STXBP5L: variants seen among roughly 807,000 people sequenced by gnomAD.
STXBP5L encodes syntaxin-binding protein 5-like.
STXBP5L carries 65 observed loss-of-function variants against 144.5 expected under a neutral mutation model. The ratio of observed to expected loss-of-function variants is 0.45; its 90% confidence interval spans 0.37 to 0.55. STXBP5L has a LOEUF of 0.55. Among genes scored for constraint, STXBP5L ranks in the 20% least tolerant of loss-of-function variants. The pLI, the probability that STXBP5L is intolerant of heterozygous loss-of-function variation, is 0.00. For missense variants in STXBP5L, 1,298 were observed against 1,405.5 expected, an observed-to-expected ratio of 0.92 and a Z score of 1.22; for synonymous variants, 505 against 469.6, an observed-to-expected ratio of 1.08 and a Z score of -0.97.
intron 5 of STXBP5L, among the ~76,000 whole-genome samples, chr3:121,073,732 G>A (rs1456183343): frequency 2.6e-5 from 4 of 152,022 alleles, no homozygotes; most frequent in African/African-American, 9.7e-5. Context: ...CCCAGCTTTG[G>A]TAGCCTTATA....
intron 9 of STXBP5L, among the ~76,000 whole-genome samples, chr3:121,192,956 G>A (rs2047759994): frequency 6.6e-6 from 1 of 151,326 alleles, no homozygotes. Flanking sequence ...GGCAACAAAA[G>A]CCAAAATTGA....
At chr3:120,981,076 T>C (rs558907950) in intron 3 of STXBP5L, among the ~76,000 whole-genome samples, 1 of 152,298 alleles carries the variant, frequency 6.6e-6, no homozygotes, top group African/African-American at 2.4e-5. Context: ...AAGTCCACTG[T>C]CAGTCTGATG....
intron 3 of STXBP5L, among the ~76,000 whole-genome samples, chr3:121,016,449 A>T (rs1052124855): frequency 3.9e-5 from 6 of 152,224 alleles, no homozygotes; most frequent in African/African-American, 1.2e-4. Flanking sequence ...AATCAAAAAC[A>T]CTGTACAGAA....
At chr3:121,120,841 G>A (rs140028895) in intron 6 of STXBP5L, among the ~76,000 whole-genome samples, 14 of 151,324 alleles carry the variant, frequency 9.3e-5, no homozygotes, top group Admixed American at 2.0e-4. Flanking sequence ...CTGTTAGGTC[G>A]TGGAGAAAGG....
chr3:121,244,645 G>T (rs796876591), intron 14 of STXBP5L, among the ~76,000 whole-genome samples: 1 of 151,836 alleles, frequency 6.6e-6, no homozygotes, highest in African/African-American at 2.4e-5. Context: ...TCAAACTGTC[G>T]AAAATCAAAA....
At chr3:121,023,589 A>T (rs547314245) in intron 3 of STXBP5L, among the ~76,000 whole-genome samples, 1 of 152,180 alleles carries the variant, frequency 6.6e-6, no homozygotes, top group African/African-American at 2.4e-5. Context: ...AATACAGCCA[A>T]CTTATCTTTG....
At chr3:121,101,329 T>C (rs565834225) in intron 5 of STXBP5L, among the ~76,000 whole-genome samples, 2 of 151,976 alleles carry the variant, frequency 1.3e-5, no homozygotes, top group East Asian at 1.9e-4. Flanking sequence ...TGAACGTAGA[T>C]GCAAAAATCC....
At chr3:121,267,140 A>G (rs1289624506) in intron 18 of STXBP5L, among the ~76,000 whole-genome samples, 1 of 152,216 alleles carries the variant, frequency 6.6e-6, no homozygotes, top group Non-Finnish European at 1.5e-5. Context: ...TGGAGGCATC[A>G]TGCTACCTGA....
intron 3 of STXBP5L, among the ~76,000 whole-genome samples, chr3:120,956,246 A>G (rs1182474351): frequency 6.6e-6 from 1 of 151,882 alleles, no homozygotes; most frequent in Non-Finnish European, 1.5e-5. Context: ...CATTTATATT[A>G]TGCAACCATC....
intron 5 of STXBP5L, among the ~76,000 whole-genome samples, chr3:121,083,507 C>CA (rs1259650899): frequency 1.3e-5 from 2 of 151,830 alleles, no homozygotes; most frequent in Non-Finnish European, 2.9e-5. Flanking sequence ...ACTAAAAATA[C>CA]AAAAAATTAG....
At chr3:121,169,943 G>A (rs1283944112) in intron 9 of STXBP5L, among the ~76,000 whole-genome samples, 1 of 152,096 alleles carries the variant, frequency 6.6e-6, no homozygotes, top group Non-Finnish European at 1.5e-5. Flanking sequence ...CACATAATTG[G>A]AAGTAAAACA....
intron 5 of STXBP5L, among the ~76,000 whole-genome samples, chr3:121,090,180 TA>T (rs1256257645): frequency 1.3e-5 from 2 of 152,166 alleles, no homozygotes; most frequent in African/African-American, 4.8e-5. Flanking sequence ...AGTTTTTATT[TA>T]AACCCCTTTT....
chr3:121,277,763 G>A (rs2050929796), intron 18 of STXBP5L, among the ~76,000 whole-genome samples: 1 of 151,836 alleles, frequency 6.6e-6, no homozygotes, highest in Admixed American at 6.6e-5. Context: ...TTCCTGGAAT[G>A]AAATTAAGTT....
chr3:121,089,170 A>G (rs909358348), intron 5 of STXBP5L, among the ~76,000 whole-genome samples: 8 of 149,902 alleles, frequency 5.3e-5, no homozygotes, highest in Non-Finnish European at 8.9e-5. Context: ...TAGTATATAC[A>G]TAGTACATTT....
At chr3:121,413,587 ATGGAGAATCTT>A (rs1399314819) in intron 24 of STXBP5L, among the ~76,000 whole-genome samples, 9 of 152,162 alleles carry the variant, frequency 5.9e-5, no homozygotes, top group Non-Finnish European at 8.8e-5. Context: ...GTTTTTGCCT[ATGGAGAATCTT>A]ATAAAAGATT....
chr3:121,216,630 G>T (rs1458191204), intron 10 of STXBP5L, among the ~76,000 whole-genome samples: 2 of 152,160 alleles, frequency 1.3e-5, no homozygotes, highest in African/African-American at 4.8e-5. Flanking sequence ...ATCACTGCTG[G>T]GTTGTGTCTC....
chr3:121,390,864 G>GA (rs2046566779), intron 22 of STXBP5L, among the ~76,000 whole-genome samples: 1 of 151,816 alleles, frequency 6.6e-6, no homozygotes, highest in Non-Finnish European at 1.5e-5. Flanking sequence ...TATGTGTCTC[G>GA]GGGTTGCTCT....
At chr3:121,353,437 C>G (rs543002091) in intron 20 of STXBP5L, among the ~76,000 whole-genome samples, 9 of 152,174 alleles carry the variant, frequency 5.9e-5, no homozygotes, top group African/African-American at 1.9e-4. Context: ...AGGATTTTAT[C>G]CATTTCTTCT....
At chr3:120,956,688 T>A (rs1055529694) in intron 3 of STXBP5L, among the ~76,000 whole-genome samples, 1 of 151,940 alleles carries the variant, frequency 6.6e-6, no homozygotes, top group African/African-American at 2.4e-5. Context: ...TGGGTATATA[T>A]CCAGAAGAAG....
Sources: allele counts gnomAD v4.1 joint callset (sites outside exome capture counted in the v4.1 genomes callset), GRCh38; gene constraint gnomAD v4.1.1; transcripts MANE v1.5; gene names NCBI Gene and HGNC (gene_info 2026-07-23, HGNC 2026-07-21).